The following DLC1 variants were observed in gnomAD, a reference collection of about 807,000 sequenced individuals.
DLC1 encodes rho GTPase-activating protein 7.
In DLC1, 54 loss-of-function variants were observed where a neutral mutation model predicts 140.3. The ratio of observed to expected loss-of-function variants is 0.38; its 90% CI spans 0.31 to 0.48. DLC1 has a LOEUF of 0.48. Ranked by LOEUF, DLC1 falls within the 20% of genes least tolerant of loss-of-function variation. DLC1 has a pLI of 0.96. For missense variants in DLC1, 2,536 were observed against 1,907.0 expected (o/e 1.33, Z -6.14); for synonymous variants, 986 against 728.1 (o/e 1.35, Z -5.70).
rs1586153871 is a variant in DLC1, at chr8:13,333,139, T to G, written c.1315-27837A>C. ...TTATTTTTTCTTTGTCCTTATTGCA[T>G]GCATGAATACATTTTTGTAAAATAT... is the stretch of plus-strand genomic sequence containing the variant. On this transcript the variant is annotated intron_variant, in intron 4 of 17. Transcript: ENST00000276297. Among the ~76,000 whole-genome samples the G allele has an allele frequency of 2.6e-5, 4 of 152,374 alleles. No individual in the cohort carries two copies. In the East Asian group the frequency reaches 7.7e-4, roughly 29 times the overall value.
intron 2 of DLC1, among the ~76,000 whole-genome samples, chr8:13,462,504 C>T (rs942178500): frequency 4.0e-5 from 6 of 151,436 alleles, no homozygotes; most frequent in African/African-American, 7.3e-5. Flanking sequence ...CCCAGGTTCA[C>T]GCCATTCTCC....
chr8:13,152,798 C>T (rs968002680), intron 5 of DLC1, among the ~76,000 whole-genome samples: 1 of 112,578 alleles, frequency 8.9e-6, no homozygotes, highest in Non-Finnish European at 1.7e-5. Flanking sequence ...GCCTGGGTGA[C>T]AGACTGAGAC....
chr8:13,159,657 A>G (rs370567467), intron 5 of DLC1, among the ~76,000 whole-genome samples: 2 of 152,030 alleles, frequency 1.3e-5, no homozygotes, highest in African/African-American at 4.8e-5. Flanking sequence ...CACAGGTACT[A>G]CAGAACAGAG....
intron 5 of DLC1, among the ~76,000 whole-genome samples, chr8:13,185,283 G>GTT (rs113333274): frequency 0.37 from 46,871 of 125,416 alleles, 9,179 homozygotes; most frequent in East Asian, 0.79. Context: ...TGTCTTTTCT[G>GTT]TTTTTTTTGT....
intron 4 of DLC1, among the ~76,000 whole-genome samples, chr8:13,316,080 A>T (rs1451729599): frequency 2.6e-5 from 4 of 152,248 alleles, no homozygotes; most frequent in African/African-American, 9.6e-5. Flanking sequence ...AACAGCACGC[A>T]GGTTGCGCAC....
chr8:13,393,532 C>CTGTTAT, intron 4 of DLC1, 21 bp downstream of exon 4: 1 of 1,608,764 alleles, frequency 6.2e-7, no homozygotes, highest in African/African-American at 1.3e-5. Flanking sequence ...TAGAGACTCT[C>CTGTTAT]TGTTATTATT....
intron 1 of DLC1, among the ~76,000 whole-genome samples, chr8:13,594,278 AG>A (rs1218502689): frequency 6.6e-6 from 1 of 152,142 alleles, no homozygotes; most frequent in African/African-American, 2.4e-5. Flanking sequence ...TTTGAAGTAT[AG>A]GCCTTTTTAT....
intron 4 of DLC1, among the ~76,000 whole-genome samples, chr8:13,369,038 T>C (rs1057297377): frequency 6.6e-6 from 1 of 152,134 alleles, no homozygotes; most frequent in African/African-American, 2.4e-5. Context: ...GTCAGGCTGG[T>C]CTCAAACTCC....
intron 4 of DLC1, among the ~76,000 whole-genome samples, chr8:13,349,235 T>C (rs967315433): frequency 3.9e-5 from 6 of 152,120 alleles, no homozygotes; most frequent in East Asian, 1.9e-4. Flanking sequence ...CTAGGAAAGA[T>C]GATGAAGACC....
At chr8:13,274,678 A>G (rs915600300) in intron 5 of DLC1, among the ~76,000 whole-genome samples, 11 of 152,220 alleles carry the variant, frequency 7.2e-5, no homozygotes, top group Non-Finnish European at 1.2e-4. Context: ...TATTATTCTC[A>G]TCAGCTGTCA....
At chr8:13,536,346 AG>A (rs2117319025) in intron 1 of DLC1, among the ~76,000 whole-genome samples, 1 of 152,340 alleles carries the variant, frequency 6.6e-6, no homozygotes, top group South Asian at 2.1e-4. Context: ...GATAATCACA[AG>A]GTTATAATCA....
intron 1 of DLC1, among the ~76,000 whole-genome samples, chr8:13,547,456 A>T (rs1265256416): frequency 1.1e-4 from 16 of 152,024 alleles, no homozygotes; most frequent in Non-Finnish European, 1.5e-5. Flanking sequence ...CACCCAACAC[A>T]GTCTATAACC....
rs138588956 is a variant in DLC1, at chr8:13,582,169, G to A, written c.-126+22368C>T. Reference sequence around the variant, plus strand: ...CTTCTAAGCTCTTTTTCCAACGGTTGGGATATGGTAATGCACATCCCTGCA... The same window carrying A: ...CTTCTAAGCTCTTTTTCCAACGGTTAGGATATGGTAATGCACATCCCTGCA... On this transcript the variant is annotated intron_variant, in intron 1 of 1. Transcript: ENST00000631382. 4.4e-4 allele frequency among the ~76,000 whole-genome samples: 67 copies of A among 152,242 alleles called. No individual in the cohort carries two copies. The East Asian group carries it at 0.012, about 27-fold the overall frequency.
At chr8:13,496,250 T>G (rs1212395374) in intron 2 of DLC1, among the ~76,000 whole-genome samples, 1 of 151,508 alleles carries the variant, frequency 6.6e-6, no homozygotes, top group East Asian at 1.9e-4. Flanking sequence ...TGAAAAACTT[T>G]ATAAATATTT....
intron 2 of DLC1, among the ~76,000 whole-genome samples, chr8:13,439,048 C>G (rs140967506): frequency 6.6e-6 from 1 of 152,056 alleles, no homozygotes; most frequent in Admixed American, 6.6e-5. Flanking sequence ...AGGCAGAGGC[C>G]GAGCACAGTG....
At chr8:13,598,534 T>G (rs1805756849) in intron 1 of DLC1, among the ~76,000 whole-genome samples, 1 of 152,128 alleles carries the variant, frequency 6.6e-6, no homozygotes, top group African/African-American at 2.4e-5. Context: ...TTTAGTAATC[T>G]ATTACTCTTA....
chr8:13,218,996 A>AATTATATT (rs1403734919), intron 5 of DLC1, among the ~76,000 whole-genome samples: 3 of 121,512 alleles, frequency 2.5e-5, no homozygotes, highest in African/African-American at 3.2e-5. Context: ...ATAATTATAT[A>AATTATATT]CGAATATAAT....
intron 1 of DLC1, among the ~76,000 whole-genome samples, chr8:13,603,597 C>G (rs1433787880): frequency 3.9e-5 from 6 of 152,018 alleles, no homozygotes; most frequent in Admixed American, 2.6e-4. Flanking sequence ...TGTCTTCGCT[C>G]TCTACATCAT....
chr8:13,461,540 C>T (rs1476189977), intron 2 of DLC1, among the ~76,000 whole-genome samples: 1 of 152,092 alleles, frequency 6.6e-6, no homozygotes, highest in African/African-American at 2.4e-5. Context: ...TTGAGTTTAT[C>T]TTCTGTAGTT....
Sources: allele counts gnomAD v4.1 joint callset (sites outside exome capture counted in the v4.1 genomes callset), GRCh38; gene constraint gnomAD v4.1.1; transcripts MANE v1.5; gene names NCBI Gene and HGNC (gene_info 2026-07-23, HGNC 2026-07-21).